MYO5A: variants seen among roughly 807,000 people sequenced by gnomAD.
MYO5A encodes the protein unconventional myosin-Va.
MYO5A carries 98 observed loss-of-function variants against 249.7 expected under a neutral mutation model. The ratio of observed to expected loss-of-function variants is 0.39; its 90% CI spans 0.33 to 0.46. The LOEUF (loss-of-function observed/expected upper bound fraction) is 0.46, where lower values mean the gene tolerates loss of function less well. Ranked by LOEUF, MYO5A falls within the 20% of genes least tolerant of loss-of-function variation. The probability of loss-of-function intolerance (pLI) is 0.98; values close to 1 mark genes in which losing one functional copy is unlikely to be tolerated. For synonymous variants in MYO5A, 778 were observed against 810.6 expected, an observed-to-expected ratio of 0.96 and a Z score of 0.68; for missense variants, 1,696 against 2,308.8, an observed-to-expected ratio of 0.73 and a Z score of 5.44.
chr15:52,370,535 T>G, intron 21 of MYO5A, 118 bp from the exon 22 acceptor site: 2 of 1,102,928 alleles, frequency 1.8e-6, no homozygotes, highest in South Asian at 2.7e-5. Context: ...TGATATAGTA[T>G]CCAACCAAAA....
At chr15:52,471,212 C>T (rs2076459981) in intron 1 of MYO5A, among the ~76,000 whole-genome samples, 1 of 152,056 alleles carries the variant, frequency 6.6e-6, no homozygotes, top group South Asian at 2.1e-4. Flanking sequence ...TTATCTTGTC[C>T]CTTCCTGCCT....
chr15:52,401,774 A>G (rs1406354762), intron 9 of MYO5A, among the ~76,000 whole-genome samples: 1 of 151,924 alleles, frequency 6.6e-6, no homozygotes, highest in Non-Finnish European at 1.5e-5. Flanking sequence ...TCCTTTATGA[A>G]TTTTCATTAG....
In MYO5A at chr15:52,351,415, T is replaced by G. The variant is rs1327876183; in HGVS notation, c.3688A>C (p.Ser1230Arg). The change falls in exon 28 of 42, where the codon AGT becomes CGT. Residue 1230 changes from serine (S) to arginine (R), a missense_variant. Around this residue, in one of 5 missense-constraint regions of MYO5A, gnomAD observed 625 missense variants for 908.1 expected, o/e 0.69. Transcript: ENST00000399233. ...GTCACCTCTGGGGCACTTTTCTCAC[T>G]GAGGGCCTTGCGCAACTCATTTAGC... The part of the protein sequence containing the change: ...NELNELRKAL[S>R]EKSAPEVTAP... 6.2e-7 allele frequency: 1 copy of G among 1,614,210 alleles called. No homozygotes were observed. Among genetic ancestry groups the G allele is most frequent in the African/African-American group, 1.3e-5 (1 of 75,072 alleles).
chr15:52,336,364 T>C (rs1303033392), intron 34 of MYO5A, 99 bp downstream of exon 34: 8 of 755,584 alleles, frequency 1.1e-5, no homozygotes, highest in Admixed American at 9.1e-5. Flanking sequence ...TCCCTAATAT[T>C]TGCATGCAAA....
intron 25 of MYO5A, among the ~76,000 whole-genome samples, chr15:52,354,910 A>C (rs2040140734): frequency 6.6e-6 from 1 of 152,228 alleles, no homozygotes; most frequent in Non-Finnish European, 1.5e-5. Flanking sequence ...ATATATCTTA[A>C]AGTATTACAT....
intron 18 of MYO5A, among the ~76,000 whole-genome samples, chr15:52,377,395 C>G (rs548856624): frequency 6.6e-6 from 1 of 151,320 alleles, no homozygotes; most frequent in Non-Finnish European, 1.5e-5. Context: ...GCACTCCAGC[C>G]TAGCAACAGA....
intron 2 of MYO5A, among the ~76,000 whole-genome samples, chr15:52,432,567 T>C (rs768395330): frequency 6.6e-6 from 1 of 152,232 alleles, no homozygotes; most frequent in Non-Finnish European, 1.5e-5. Flanking sequence ...ACTTTGAAGT[T>C]TGGCTTTCTT....
intron 9 of MYO5A, among the ~76,000 whole-genome samples, chr15:52,405,051 TCACACACACACACACACACACA>T (rs58764245): frequency 1.4e-5 from 2 of 140,190 alleles, no homozygotes; most frequent in Admixed American, 7.2e-5. Context: ...TCTCTCTCTG[TCACACACACACACACACACACA>T]CACACACACA....
At chr15:52,476,189 C>T (rs529305615) in intron 1 of MYO5A, among the ~76,000 whole-genome samples, 63 of 152,088 alleles carry the variant, frequency 4.1e-4, no homozygotes, top group African/African-American at 1.4e-3. Context: ...TAAAGTCTGT[C>T]TTATCAGAGA....
chr15:52,383,526 T>A (rs558741860), intron 15 of MYO5A, among the ~76,000 whole-genome samples: 1 of 152,190 alleles, frequency 6.6e-6, no homozygotes, highest in South Asian at 2.1e-4. Flanking sequence ...TCACATAAAG[T>A]GGGAATTTTG....
At chr15:52,322,834 CT>C (rs552695001) in intron 37 of MYO5A, among the ~76,000 whole-genome samples, 8,110 of 138,438 alleles carry the variant, frequency 0.059, 270 homozygotes, top group South Asian at 0.1. Context: ...TTAAAATTTT[CT>C]TTTTTTTTTT....
chr15:52,470,266 G>A (rs2076432630), intron 1 of MYO5A, among the ~76,000 whole-genome samples: 1 of 152,104 alleles, frequency 6.6e-6, no homozygotes, highest in Non-Finnish European at 1.5e-5. Context: ...TGCTGTGTTT[G>A]GGGGCAAGTA....
At chr15:52,483,273 C>G (rs1019589364) in intron 1 of MYO5A, among the ~76,000 whole-genome samples, 1 of 152,194 alleles carries the variant, frequency 6.6e-6, no homozygotes, top group Admixed American at 6.5e-5. Flanking sequence ...AAGGCCCTTA[C>G]GAGTGAGCCA....
intron 1 of MYO5A, among the ~76,000 whole-genome samples, chr15:52,522,149 C>T (rs1413867104): frequency 6.6e-6 from 1 of 152,084 alleles, no homozygotes; most frequent in East Asian, 1.9e-4. Flanking sequence ...CTTCCTTCTG[C>T]CCTAATGAGC....
chr15:52,340,375 G>A lies in MYO5A; in HGVS notation c.4060C>T (p.Gln1354Ter). Residue 1354 changes from glutamine (Q) to a stop codon, truncating the protein, a stop_gained, in exon 32 of 42, where the codon CAG (glutamine) becomes TAG (stop). Transcript: ENST00000399233. LOFTEE classifies it high-confidence loss of function. ...TTCTCATGGCTCCTCTTCTGTGACT[G>A]CAGCTGGGATTCCAGGAGCCTGCGG... Reference protein sequence around the residue: ...QANRLLESQLQSQKRSHENEA... With the variant: ...QANRLLESQL 1.2e-6 allele frequency: 2 copies of A among 1,613,084 alleles called. No individual in the cohort carries two copies. The highest frequency in any genetic ancestry group is 8.5e-7 in the Non-Finnish European group (1 of 1,180,000).
intron 1 of MYO5A, among the ~76,000 whole-genome samples, chr15:52,512,448 G>A (rs1430309420): frequency 6.6e-6 from 1 of 151,800 alleles, no homozygotes; most frequent in Admixed American, 6.6e-5. Flanking sequence ...AACACGTATT[G>A]GCATGGGAAA....
At chr15:52,452,606 G>A (rs2076042109) in intron 1 of MYO5A, among the ~76,000 whole-genome samples, 1 of 152,066 alleles carries the variant, frequency 6.6e-6, no homozygotes, top group Non-Finnish European at 1.5e-5. Context: ...TAATTCCCCT[G>A]TGCCCAAATC....
At chr15:52,438,402 C>T (rs1470517997) in intron 1 of MYO5A, among the ~76,000 whole-genome samples, 1 of 152,154 alleles carries the variant, frequency 6.6e-6, no homozygotes, top group Admixed American at 6.5e-5. Context: ...GAAGGCCCTC[C>T]TGGTGAAAAA....
At chr15:52,365,612 C>A (rs557411139) in intron 23 of MYO5A, among the ~76,000 whole-genome samples, 2 of 152,210 alleles carry the variant, frequency 1.3e-5, no homozygotes, top group Admixed American at 6.5e-5. Context: ...TCTGTGAGCA[C>A]GATGAGGCAA....
Sources: allele counts gnomAD v4.1 joint callset (sites outside exome capture counted in the v4.1 genomes callset), GRCh38; gene constraint gnomAD v4.1.1; regional missense constraint gnomAD v4.1.1; transcripts MANE v1.5; gene names NCBI Gene and HGNC (gene_info 2026-07-23, HGNC 2026-07-21).